The following AFG2A variants were observed in gnomAD, a reference collection of about 807,000 sequenced individuals.
AFG2A encodes ATPase family gene 2 protein homolog A.
chr4:123,077,942 AC>A, the AFG2A span, among the ~76,000 whole-genome samples: 1 of 152,162 alleles, frequency 6.6e-6, no homozygotes, highest in Non-Finnish European at 1.5e-5. Flanking sequence ...AATGTGAAAG[AC>A]CCGTGGAGAA....
At chr4:123,025,588 G>GT in the AFG2A span, among the ~76,000 whole-genome samples, 41 of 151,928 alleles carry the variant, frequency 2.7e-4, no homozygotes, top group East Asian at 2.9e-3. Context: ...AGTTGTATGG[G>GT]TTTTTTTGTT....
At chr4:123,238,519 C>T in the AFG2A span, among the ~76,000 whole-genome samples, 6 of 152,144 alleles carry the variant, frequency 3.9e-5, no homozygotes, top group Non-Finnish European at 5.9e-5. Flanking sequence ...CGGCAGCCTC[C>T]GCTGGTGATA....
the AFG2A span, among the ~76,000 whole-genome samples, chr4:123,278,760 G>T: frequency 6.6e-6 from 1 of 151,866 alleles, no homozygotes; most frequent in African/African-American, 2.4e-5. Flanking sequence ...TAATTGTATG[G>T]TTTTAGCAAT....
chr4:123,124,900 ATAAAAT>A, the AFG2A span, among the ~76,000 whole-genome samples: 19 of 152,358 alleles, frequency 1.2e-4, no homozygotes, highest in African/African-American at 4.6e-4. Flanking sequence ...AAAATGTAAC[ATAAAAT>A]TAAGAAATTA....
At chr4:123,149,706 T>A in the AFG2A span, among the ~76,000 whole-genome samples, 1 of 152,178 alleles carries the variant, frequency 6.6e-6, no homozygotes. Flanking sequence ...TGCTGTTCAT[T>A]TCAATGGTGT....
chr4:122,996,907 G>A, the AFG2A span, among the ~76,000 whole-genome samples: 2 of 152,070 alleles, frequency 1.3e-5, no homozygotes, highest in Admixed American at 1.3e-4. Flanking sequence ...CTAGTTCCAG[G>A]AAAAAGAGCA....
At chr4:122,954,568 G>A in the AFG2A span, among the ~76,000 whole-genome samples, 2 of 152,204 alleles carry the variant, frequency 1.3e-5, no homozygotes, top group Non-Finnish European at 2.9e-5. Flanking sequence ...TGGCATGGGA[G>A]CTGGCGACCC....
the AFG2A span, among the ~76,000 whole-genome samples, chr4:123,261,940 C>T: frequency 6.6e-6 from 1 of 151,772 alleles, no homozygotes; most frequent in Non-Finnish European, 1.5e-5. Context: ...CCACTGTGCC[C>T]AGCTAATTTT....
the AFG2A span, among the ~76,000 whole-genome samples, chr4:122,950,060 A>G: frequency 2.0e-5 from 3 of 152,148 alleles, no homozygotes; most frequent in African/African-American, 7.2e-5. Context: ...TACCCTGTCT[A>G]CCTGTATCCT....
At chr4:123,194,901 C>G in the AFG2A span, among the ~76,000 whole-genome samples, 3 of 152,154 alleles carry the variant, frequency 2.0e-5, no homozygotes, top group Admixed American at 2.0e-4. Flanking sequence ...AATTTTCTTT[C>G]AGGATATCCC....
At chr4:123,010,866 C>G in the AFG2A span, among the ~76,000 whole-genome samples, 2 of 152,238 alleles carry the variant, frequency 1.3e-5, no homozygotes. Flanking sequence ...AGCCAATTCC[C>G]TAGTTGGTTC....
At chr4:123,025,035 T>G in the AFG2A span, among the ~76,000 whole-genome samples, 1 of 152,162 alleles carries the variant, frequency 6.6e-6, no homozygotes, top group Non-Finnish European at 1.5e-5. Flanking sequence ...CTGTTTCCTG[T>G]GTTGTAAATA....
chr4:122,947,534 C>G, the AFG2A span: 2 of 1,418,684 alleles, frequency 1.4e-6, no homozygotes, highest in Admixed American at 2.4e-5. Flanking sequence ...GCACTTATCT[C>G]CAGTTTACTT....
chr4:122,960,061 T>A, the AFG2A span, among the ~76,000 whole-genome samples: 1 of 152,220 alleles, frequency 6.6e-6, no homozygotes, highest in Admixed American at 6.5e-5. Flanking sequence ...TCGTGACTTG[T>A]CCAAAGAGCT....
At chr4:122,945,770 C>G in the AFG2A span, among the ~76,000 whole-genome samples, 1 of 152,222 alleles carries the variant, frequency 6.6e-6, no homozygotes, top group African/African-American at 2.4e-5. Flanking sequence ...CGGAGCTGTT[C>G]CTGTTCGGCC....
the AFG2A span, among the ~76,000 whole-genome samples, chr4:123,022,362 A>C: frequency 5.5e-4 from 83 of 152,288 alleles, 2 homozygotes; most frequent in Middle Eastern, 3.4e-3. Context: ...ACCCCATCAA[A>C]AAGTGGGCAA....
chr4:123,013,228 A>AGT, the AFG2A span, among the ~76,000 whole-genome samples: 1 of 152,114 alleles, frequency 6.6e-6, no homozygotes, highest in Non-Finnish European at 1.5e-5. Context: ...TAATGTCATC[A>AGT]GTTAAGGCAG....
chr4:123,080,194 G>C, the AFG2A span, among the ~76,000 whole-genome samples: 3 of 152,228 alleles, frequency 2.0e-5, no homozygotes, highest in East Asian at 5.8e-4. Context: ...ATTAGGTTTA[G>C]ATGAAGTCGT....
At chr4:123,318,687 G>A in the AFG2A span, 1 of 152,034 alleles carries the variant, frequency 6.6e-6, no homozygotes, top group African/African-American at 2.4e-5. Flanking sequence ...CTCGGTCGGG[G>A]GTTGAGGTGA....
Sources: gnomAD v4.1 joint callset for allele counts (sites outside exome capture counted in the v4.1 genomes callset) on GRCh38, gnomAD v4.1.1 for gene constraint, MANE v1.5 for transcripts, NCBI Gene and HGNC (gene_info 2026-07-23, HGNC 2026-07-21) for gene names.